The following ADCY9 variants were observed in gnomAD, a reference collection of about 807,000 sequenced individuals.
ADCY9 encodes adenylate cyclase 9, also known as adenylate cyclase type 9.
In ADCY9, 50 loss-of-function variants were observed where a neutral mutation model predicts 101.5. The observed-to-expected ratio is 0.49, with a 90% CI of 0.39 to 0.62. The LOEUF is 0.62. Ranked by LOEUF, ADCY9 falls within the 20% of genes least tolerant of loss-of-function variation. ADCY9 has a pLI of 0.00. For missense variants in ADCY9, 1,662 were observed against 1,800.4 expected (o/e 0.92, Z 1.39); for synonymous variants, 905 against 769.3 (o/e 1.18, Z -2.92).
rs2057152983 is a variant in ADCY9, at chr16:4,116,420, C to A, written c.-774G>T. Among the ~76,000 whole-genome samples, 1 of 146,176 alleles carries A rather than the reference C, an allele frequency of 6.8e-6. No homozygotes were observed. The highest frequency in any genetic ancestry group is 2.5e-5 in the African/African-American group (1 of 40,798). ...GAGCTGCCGCCGCCACCATCTCCGG[C>A]CCCTGCCCCGCCCGCTGTCACTGAC... On this transcript the variant is annotated 5_prime_UTR_variant, in exon 1 of 11. Transcript: ENST00000294016.
In ADCY9 at chr16:3,966,305, C is replaced by T. The variant is rs777570578; in HGVS notation, c.3532G>A (p.Gly1178Ser). ...NHGPLTAGVI[G>S]TTKLLYDIWG... ...ATGTCGTACAGCAGCTTGGTGGTGCCGATGACCCCGGCCGTGAGGGGCCCA... is the reference window on the plus strand; with the variant it reads ...ATGTCGTACAGCAGCTTGGTGGTGCTGATGACCCCGGCCGTGAGGGGCCCA... The change falls in exon 11 of 11, where the codon GGC becomes AGC. Residue 1178 changes from glycine to serine, a missense_variant. This residue lies in a region of ADCY9 where 220 missense variants were observed against 312.9 expected (regional missense o/e 0.70). Transcript: ENST00000294016. 4 of 1,613,970 alleles carry T rather than the reference C, an allele frequency of 2.5e-6. No homozygotes were observed. Among genetic ancestry groups the T allele is most frequent in the African/African-American group, 2.7e-5 (2 of 74,910 alleles).
chr16:4,072,267 G>A (rs2056839322), intron 2 of ADCY9, among the ~76,000 whole-genome samples: 1 of 152,228 alleles, frequency 6.6e-6, no homozygotes, highest in South Asian at 2.1e-4. Flanking sequence ...GACTGTGGAG[G>A]CTGAAGTAGC....
chr16:4,032,372 C>T (rs2056561591), intron 2 of ADCY9, among the ~76,000 whole-genome samples: 3 of 152,144 alleles, frequency 2.0e-5, no homozygotes, highest in East Asian at 1.9e-4. Context: ...TGGCCCCCTG[C>T]GGCAGGTGGA....
intron 2 of ADCY9, among the ~76,000 whole-genome samples, chr16:4,083,284 A>G (rs528328793): frequency 7.9e-5 from 12 of 152,338 alleles, no homozygotes; most frequent in African/African-American, 2.2e-4. Flanking sequence ...TCACCTATAC[A>G]TAAGTTTTCT....
chr16:4,004,891 G>A (rs1220123704), intron 3 of ADCY9, among the ~76,000 whole-genome samples: 1 of 152,154 alleles, frequency 6.6e-6, no homozygotes, highest in East Asian at 1.9e-4. Context: ...GTGAGCAGCA[G>A]CAGGAACAGG....
At chr16:4,083,258 C>CT (rs1567141338) in intron 2 of ADCY9, among the ~76,000 whole-genome samples, 4 of 151,922 alleles carry the variant, frequency 2.6e-5, no homozygotes, top group Admixed American at 1.3e-4. Flanking sequence ...AACATAAAGT[C>CT]TTTTTTTTAG....
At position 4,075,164 on chromosome 16, in the gene ADCY9, G is replaced by T. The variant is rs937035605; in HGVS notation, c.1693+38586C>A. Among the ~76,000 whole-genome samples the T allele has an allele frequency of 6.7e-5, 8 of 120,250 alleles. No homozygotes were observed. In the East Asian group the frequency reaches 2.2e-3, roughly 33 times the overall value. The allele number at this position is 120,250 out of a possible 152,430, so 78.9% of individuals were successfully genotyped here. A position where few individuals can be genotyped will look rare whatever the true frequency, so the allele number is the denominator to read the frequency against. ...TCCACTCCAGCCTGGGTGACAAGGT[G>T]AGACCTGTTACTATATATATATGGA... is the stretch of plus-strand genomic sequence containing the variant. On this transcript the variant is annotated intron_variant, in intron 2 of 10. Coordinates refer to ENST00000294016, the MANE Select transcript of ADCY9 (RefSeq NM_001116.4).
At chr16:4,007,650 T>A in intron 2 of ADCY9, 92 bp from the exon 3 acceptor site, 1 of 1,108,010 alleles carries the variant, frequency 9.0e-7, no homozygotes, top group Non-Finnish European at 1.3e-6. Flanking sequence ...GACTCACTCC[T>A]GGAAAGTTGA....
At position 3,966,674 on chromosome 16, in the gene ADCY9, C is replaced by G. The variant is rs964742894; in HGVS notation, c.3163G>C (p.Asp1055His). Residue 1055 changes from aspartate (D) to histidine (H), a missense_variant, in exon 11 of 11, where the codon GAC becomes CAC. Coordinates refer to ENST00000294016, the MANE Select transcript of ADCY9 (RefSeq NM_001116.4). ...CTGGCGAAGATCACCCCTCCGCTGTCATGGTTCTTGGAGTAGGTCTGGGAC... is the reference window on the plus strand; with the variant it reads ...CTGGCGAAGATCACCCCTCCGCTGTGATGGTTCTTGGAGTAGGTCTGGGAC... ...KVSQTYSKNH[D>H]SGGVIFASIV... 2 of 1,614,018 alleles carry G rather than the reference C, an allele frequency of 1.2e-6. No individual in the cohort carries two copies. The highest frequency in any genetic ancestry group is 2.7e-5 in the African/African-American group (2 of 74,924).
chr16:3,986,073 G>A (rs1266700601), intron 6 of ADCY9, among the ~76,000 whole-genome samples: 1 of 152,244 alleles, frequency 6.6e-6, no homozygotes, highest in African/African-American at 2.4e-5. Context: ...CTCCGGGTGC[G>A]GCCGTCCCAC....
intron 2 of ADCY9, among the ~76,000 whole-genome samples, chr16:4,065,951 G>C (rs916458019): frequency 2.6e-5 from 4 of 152,208 alleles, no homozygotes; most frequent in Admixed American, 2.6e-4. Context: ...TGATCTGCCC[G>C]CCTTGGCCTC....
At chr16:4,106,528 C>A (rs1270608724) in intron 2 of ADCY9, among the ~76,000 whole-genome samples, 2 of 152,212 alleles carry the variant, frequency 1.3e-5, no homozygotes, top group African/African-American at 4.8e-5. Context: ...TGAGGTGTGT[C>A]ACAGGCAAAG....
At chr16:4,011,009 C>T (rs958212389) in intron 2 of ADCY9, among the ~76,000 whole-genome samples, 3 of 152,188 alleles carry the variant, frequency 2.0e-5, no homozygotes, top group Non-Finnish European at 4.4e-5. Context: ...AGCATGAGGA[C>T]AGAAATTTCC....
intron 2 of ADCY9, among the ~76,000 whole-genome samples, chr16:4,073,417 C>A (rs1375346640): frequency 7.1e-6 from 1 of 141,170 alleles, no homozygotes; most frequent in East Asian, 2.1e-4. Flanking sequence ...TTTTTTGAGA[C>A]AAAAGTCTCA....
chr16:4,070,843 G>A (rs1382270994), intron 2 of ADCY9, among the ~76,000 whole-genome samples: 1 of 152,076 alleles, frequency 6.6e-6, no homozygotes, highest in Non-Finnish European at 1.5e-5. Context: ...CTACTCAGGA[G>A]TCTGAGATGG....
intron 2 of ADCY9, among the ~76,000 whole-genome samples, chr16:4,065,911 C>A (rs2532024): frequency 1 from 150,358 of 150,480 alleles, 75,118 homozygotes; most frequent in Middle Eastern, 1. Flanking sequence ...ACCATGTTGG[C>A]CAGGCTGGTC....
At chr16:3,991,284 C>T (rs150103588) in intron 5 of ADCY9, among the ~76,000 whole-genome samples, 3 of 152,258 alleles carry the variant, frequency 2.0e-5, no homozygotes, top group Non-Finnish European at 4.4e-5. Context: ...ACCACCTTGC[C>T]TAATTAATCA....
Position 3,992,339 on chromosome 16 carries a change from T to C in ADCY9, c.2014A>G (p.Thr672Ala). 6.2e-7 allele frequency: 1 copy of C among 1,613,728 alleles called. No individual in the cohort carries two copies. Among genetic ancestry groups the C allele is most frequent in the Non-Finnish European group, 8.5e-7 (1 of 1,179,950 alleles). The change falls in exon 5 of 11, where the codon ACT (threonine) becomes GCT (alanine). Residue 672 changes from threonine (T) to alanine (A), a missense_variant. Transcript: ENST00000294016. This position sits in a 1 kb window ranked among gnomAD's most constrained non-coding sequence, Gnocchi z 4.2. ...GGAGGGCTGAGGAGCCCGTTCTGAG[T>C]TTTGGGATTAGGTCCTCCAGAAGCC... ...TKASGGPNPK[T>A]QNGLLSPPQE...
downstream of ADCY9, among the ~76,000 whole-genome samples, chr16:3,961,267 G>A (rs2055936519): frequency 6.6e-6 from 1 of 151,930 alleles, no homozygotes; most frequent in Non-Finnish European, 1.5e-5. Flanking sequence ...GGCCAACATG[G>A]CAAGACCCCG....
Sources: allele counts gnomAD v4.1 joint callset (sites outside exome capture counted in the v4.1 genomes callset), GRCh38; gene constraint gnomAD v4.1.1; regional missense constraint gnomAD v4.1.1; non-coding constraint Gnocchi (gnomAD v3.1); transcripts MANE v1.5; gene names NCBI Gene and HGNC (gene_info 2026-07-23, HGNC 2026-07-21).